The following WWOX variants were observed in gnomAD, a reference collection of about 807,000 sequenced individuals.
WWOX encodes WW domain-containing oxidoreductase.
Under a neutral mutation model 46.2 loss-of-function variants are expected in WWOX, and 69 were observed. That is an observed-to-expected ratio of 1.49 (90% confidence interval 1.23 to 1.82). The LOEUF is 1.82. WWOX is among the 40% of genes most tolerant of loss of function. The pLI is 0.00. For synonymous variants in WWOX, 359 were observed against 202.6 expected (o/e 1.77, Z -6.56); for missense variants, 919 against 542.6 (o/e 1.69, Z -6.89).
chr16:78,256,359 C>T (rs141164095), intron 5 of WWOX, among the ~76,000 whole-genome samples: 1 of 152,036 alleles, frequency 6.6e-6, no homozygotes, highest in African/African-American at 2.4e-5. Context: ...GCCTCTACCG[C>T]TTCACTTCTC....
chr16:79,038,088 G>C (rs992911273), intron 8 of WWOX, among the ~76,000 whole-genome samples: 2 of 152,082 alleles, frequency 1.3e-5, no homozygotes, highest in Non-Finnish European at 2.9e-5. Flanking sequence ...AATTAATTCA[G>C]ATGAGCAGTT....
chr16:79,070,658 A>G (rs186785314), intron 8 of WWOX, among the ~76,000 whole-genome samples: 44 of 152,318 alleles, frequency 2.9e-4, no homozygotes, highest in Admixed American at 1.8e-3. Context: ...GTGAGAGGGT[A>G]TGCGAGAGAT....
intron 8 of WWOX, among the ~76,000 whole-genome samples, chr16:79,138,058 T>A (rs1247421445): frequency 6.6e-6 from 1 of 152,212 alleles, no homozygotes; most frequent in Non-Finnish European, 1.5e-5. Flanking sequence ...TTCTTGTTAA[T>A]ACTGTTCAAC....
chr16:78,135,686 A>G (rs189979907), intron 4 of WWOX, among the ~76,000 whole-genome samples: 2 of 152,040 alleles, frequency 1.3e-5, no homozygotes, highest in African/African-American at 4.8e-5. Flanking sequence ...GTATTACTGA[A>G]AAAAAAACAA....
chr16:78,867,055 C>T (rs1255350313), intron 8 of WWOX, among the ~76,000 whole-genome samples: 4 of 152,148 alleles, frequency 2.6e-5, no homozygotes, highest in Non-Finnish European at 5.9e-5. Flanking sequence ...AAGGAGAAGG[C>T]TTGAGGAAGT....
At chr16:78,751,510 T>C (rs985888774) in intron 8 of WWOX, among the ~76,000 whole-genome samples, 4 of 147,390 alleles carry the variant, frequency 2.7e-5, no homozygotes, top group Non-Finnish European at 4.5e-5. Flanking sequence ...TATATAAATA[T>C]ACATGTAAAG....
At chr16:78,456,885 A>G (rs982093051) in intron 8 of WWOX, among the ~76,000 whole-genome samples, 3 of 152,260 alleles carry the variant, frequency 2.0e-5, no homozygotes, top group African/African-American at 7.2e-5. Flanking sequence ...TGATGGAACT[A>G]TCAAATTAGT....
intron 5 of WWOX, among the ~76,000 whole-genome samples, chr16:78,377,145 A>G (rs923702898): frequency 1.3e-5 from 2 of 152,228 alleles, no homozygotes; most frequent in Admixed American, 1.3e-4. Flanking sequence ...AATATTCAGA[A>G]TATACAGACT....
rs60529075 is a variant in WWOX, at chr16:79,031,092, CA to C, written c.1057-180499del. On this transcript the variant is annotated intron_variant, in intron 8 of 8. Coordinates refer to ENST00000566780, the MANE Select transcript of WWOX (RefSeq NM_016373.4). ...TGGACAACAGAGTGAGACCCTGTCT[CA>C]AAAAAAAAAAAAAAAATCCAGTAGG... 6.5e-3 allele frequency among the ~76,000 whole-genome samples: 833 copies of C among 127,246 alleles called. 3 individuals are homozygous for C. The highest frequency in any genetic ancestry group is 0.015 in the African/African-American group (493 of 33,570). 83.5% of individuals were successfully genotyped at this position (127,246 alleles called of 152,430 possible).
intron 6 of WWOX, among the ~76,000 whole-genome samples, chr16:78,414,379 GCCA>G (rs1461496272): frequency 6.6e-6 from 1 of 152,120 alleles, no homozygotes; most frequent in African/African-American, 2.4e-5. Context: ...GACCAGCCTG[GCCA>G]ACGTGGTGAA....
At chr16:78,418,952 A>G (rs1597205049) in intron 6 of WWOX, among the ~76,000 whole-genome samples, 1 of 152,166 alleles carries the variant, frequency 6.6e-6, no homozygotes, top group African/African-American at 2.4e-5. Context: ...AAATTGGGCA[A>G]AAAACAAAAA....
chr16:78,982,613 A>T (rs939878595), intron 8 of WWOX, among the ~76,000 whole-genome samples: 33 of 152,146 alleles, frequency 2.2e-4, no homozygotes, highest in African/African-American at 8.0e-4. Context: ...TGGCTTCTTG[A>T]CAGGAGCAGG....
chr16:78,139,435 A>G (rs1414428057), intron 4 of WWOX, among the ~76,000 whole-genome samples: 1 of 152,114 alleles, frequency 6.6e-6, no homozygotes, highest in South Asian at 2.1e-4. Flanking sequence ...CATGAGGTCA[A>G]GGGTTCAAGA....
At chr16:78,438,201 A>C (rs544914535) in intron 8 of WWOX, among the ~76,000 whole-genome samples, 4 of 152,338 alleles carry the variant, frequency 2.6e-5, no homozygotes, top group African/African-American at 9.6e-5. Context: ...TGTTAGAATT[A>C]ATAATTCCAA....
chr16:78,334,386 G>T (rs963491765), intron 5 of WWOX, among the ~76,000 whole-genome samples: 4 of 152,138 alleles, frequency 2.6e-5, no homozygotes, highest in African/African-American at 9.7e-5. Context: ...CCTTGGAACA[G>T]AATATAACAA....
intron 8 of WWOX, among the ~76,000 whole-genome samples, chr16:79,131,533 C>T (rs1014336214): frequency 1.3e-4 from 20 of 152,096 alleles, no homozygotes; most frequent in African/African-American, 4.6e-4. Context: ...GAGTTGAGTG[C>T]AAGACGGGGA....
chr16:79,121,669 C>T (rs2049634418), intron 8 of WWOX, among the ~76,000 whole-genome samples: 2 of 152,048 alleles, frequency 1.3e-5, no homozygotes, highest in Non-Finnish European at 2.9e-5. Flanking sequence ...GGGGCATGCG[C>T]CAAGGGAAGC....
At position 78,598,531 on chromosome 16, in the gene WWOX, G is replaced by T. The variant is rs75488020; in HGVS notation, c.1056+165779G>T. Among the ~76,000 whole-genome samples the T allele has an allele frequency of 2.1e-3, 327 of 152,310 alleles. 1 individual carries two copies. Among genetic ancestry groups the T allele is most frequent in the African/African-American group, 7.6e-3 (318 of 41,576 alleles). On this transcript the variant is annotated intron_variant, in intron 8 of 8. Coordinates refer to ENST00000566780, the MANE Select transcript of WWOX (RefSeq NM_016373.4). ...TATTTCTTGCCATGGCGAGAGCTTA[G>T]TTGGGGGAGAGATTTTGACCAGGCA...
chr16:78,979,951 AC>A (rs1188698978), intron 8 of WWOX, among the ~76,000 whole-genome samples: 10 of 152,030 alleles, frequency 6.6e-5, no homozygotes, highest in African/African-American at 2.4e-4. Context: ...ACATGGTGAA[AC>A]CCCATCTCTA....
Sources: allele counts gnomAD v4.1 joint callset (sites outside exome capture counted in the v4.1 genomes callset), GRCh38; gene constraint gnomAD v4.1.1; transcripts MANE v1.5; gene names NCBI Gene and HGNC (gene_info 2026-07-23, HGNC 2026-07-21).